Variants in CAMSAP1 observed in about 807,000 individuals in gnomAD.
CAMSAP1 encodes calmodulin-regulated spectrin-associated protein 1.
Under a neutral mutation model 143.5 loss-of-function variants are expected in CAMSAP1, and 58 were observed. The ratio of observed to expected loss-of-function variants is 0.40; its 90% CI spans 0.33 to 0.50. The LOEUF (loss-of-function observed/expected upper bound fraction) is 0.50. CAMSAP1 is among the 20% of genes least tolerant of loss of function. The probability of loss-of-function intolerance (pLI) is 0.45; values close to 1 mark genes in which losing one functional copy is unlikely to be tolerated. For synonymous variants in CAMSAP1, 945 were observed against 859.3 expected, an observed-to-expected ratio of 1.10 and a Z score of -1.74; for missense variants, 1,969 against 2,115.7, an observed-to-expected ratio of 0.93 and a Z score of 1.36.
At chr9:135,812,423 T>TA (rs1835083843) in intron 16 of CAMSAP1, among the ~76,000 whole-genome samples, 1 of 151,920 alleles carries the variant, frequency 6.6e-6, no homozygotes, top group Non-Finnish European at 1.5e-5. Context: ...AAAGGCCATA[T>TA]AATTATGATG....
At chr9:135,863,875 G>A (rs886821928) in intron 4 of CAMSAP1, among the ~76,000 whole-genome samples, 1 of 152,126 alleles carries the variant, frequency 6.6e-6, no homozygotes, top group Admixed American at 6.5e-5. Flanking sequence ...GACACGTGAG[G>A]GGGGAACACA....
Position 135,907,260 on chromosome 9 carries a change from C to G in CAMSAP1, c.-101G>C. On this transcript the variant is annotated 5_prime_UTR_variant, in exon 1 of 17. Coordinates refer to ENST00000389532, the MANE Select transcript of CAMSAP1 (RefSeq NM_015447.4). Reference sequence around the variant, plus strand: ...CGCCCCGAGCCACCACTCGGCCCCGCAGCCGGCCAGCCGGGAGGGGCGCCC... The same window carrying G: ...CGCCCCGAGCCACCACTCGGCCCCGGAGCCGGCCAGCCGGGAGGGGCGCCC... The G allele has an allele frequency of 7.8e-6, 6 of 770,908 alleles. No individual in the cohort carries two copies. The highest frequency in any genetic ancestry group is 9.5e-6 in the Non-Finnish European group (6 of 633,822). The allele number at this position is 770,908 out of a possible 1,614,324, so 47.8% of individuals were successfully genotyped here.
chr9:135,841,574 G>T (rs1038442735), intron 7 of CAMSAP1, among the ~76,000 whole-genome samples: 11 of 152,228 alleles, frequency 7.2e-5, no homozygotes, highest in African/African-American at 2.7e-4. Context: ...CCCAGCAGGG[G>T]TCAACAGACA....
chr9:135,902,520 T>A (rs1838647393), intron 1 of CAMSAP1, among the ~76,000 whole-genome samples: 1 of 152,210 alleles, frequency 6.6e-6, no homozygotes, highest in African/African-American at 2.4e-5. Flanking sequence ...ACAGATTTCA[T>A]TTTAACGAAA....
intron 8 of CAMSAP1, among the ~76,000 whole-genome samples, chr9:135,825,576 A>C (rs1311021035): frequency 6.6e-6 from 1 of 152,224 alleles, no homozygotes; most frequent in African/African-American, 2.4e-5. Context: ...CGGAAGTCAC[A>C]CGTGTGCGGA....
chr9:135,876,728 G>A (rs1161441109), intron 3 of CAMSAP1, among the ~76,000 whole-genome samples: 1 of 152,108 alleles, frequency 6.6e-6, no homozygotes, highest in Non-Finnish European at 1.5e-5. Flanking sequence ...TAAAAATATT[G>A]CTGGGCACAG....
chr9:135,809,325 TAAGGAC>T lies in CAMSAP1; in HGVS notation c.*1978_*1983del, dbSNP rs990902084. 13 of 152,198 alleles carry T rather than the reference TAAGGAC, an allele frequency of 8.5e-5. No individual in the cohort carries two copies. Among genetic ancestry groups the T allele is most frequent in the Admixed American group, 3.9e-4 (6 of 15,272 alleles). 9.4% of individuals were successfully genotyped at this position (152,198 alleles called of 1,614,324 possible). On this transcript the variant is annotated 3_prime_UTR_variant, in exon 17 of 17. Transcript: ENST00000389532. ...CAACGAACAGTGAAAACTACACGCT[TAAGGAC>T]AAGTTTCAGGATGTTCCACACACTG...
At chr9:135,847,035 T>C (rs978752319) in intron 7 of CAMSAP1, among the ~76,000 whole-genome samples, 5 of 152,138 alleles carry the variant, frequency 3.3e-5, no homozygotes, top group African/African-American at 1.2e-4. Context: ...ACTGGGTATA[T>C]ACCCAAAGGA....
At chr9:135,877,135 T>C (rs1254982385) in intron 3 of CAMSAP1, among the ~76,000 whole-genome samples, 1 of 152,126 alleles carries the variant, frequency 6.6e-6, no homozygotes, top group African/African-American at 2.4e-5. Flanking sequence ...CCATGGTATA[T>C]GCACACGATG....
chr9:135,839,436 G>C (rs1836259273), intron 7 of CAMSAP1, among the ~76,000 whole-genome samples: 1 of 152,178 alleles, frequency 6.6e-6, no homozygotes, highest in Admixed American at 6.5e-5. Flanking sequence ...GTATGCACTG[G>C]GAAAGGGAGG....
At chr9:135,880,609 C>A (rs1377947564) in intron 3 of CAMSAP1, among the ~76,000 whole-genome samples, 1 of 152,198 alleles carries the variant, frequency 6.6e-6, no homozygotes, top group African/African-American at 2.4e-5. Context: ...CCGCCTTTCA[C>A]AGCGACGGAG....
chr9:135,836,476 C>T, intron 7 of CAMSAP1: 10 of 983,618 alleles, frequency 1.0e-5, no homozygotes, highest in Non-Finnish European at 1.2e-5. Context: ...CACACACTTT[C>T]TACCCTGTTC....
Position 135,822,771 on chromosome 9 carries a change from C to T in CAMSAP1, c.1890G>A (p.Glu630=). 6.2e-7 allele frequency: 1 copy of T among 1,613,862 alleles called. No individual in the cohort carries two copies. Among genetic ancestry groups the T allele is most frequent in the Non-Finnish European group, 8.5e-7 (1 of 1,179,830 alleles). Residue 630 remains glutamate (E), a synonymous_variant, in exon 11 of 17, where the codon GAG becomes GAA. Transcript: ENST00000389532. This position sits in a 1 kb window ranked among gnomAD's most constrained non-coding sequence, Gnocchi z 6.1. ...TCCTTCGTACCAAAGGCTGGGGGCC[C>T]TCGCTGGGCCTCCTAGACACGATGC... ...PRSIVSRRPS[E]GPQPLVRRKM...
In CAMSAP1 at chr9:135,882,998, G is replaced by T. The variant is rs1233906288; in HGVS notation, c.241C>A (p.Leu81Ile). 6.4e-7 allele frequency: 1 copy of T among 1,551,656 alleles called. No individual in the cohort carries two copies. The highest frequency in any genetic ancestry group is 1.4e-5 in the African/African-American group (1 of 73,054). ...CAGTACAGCTCGCTGGACAGGAGAA[G>T]CTTGATAACAGGCGGCTTAATGTGC... is the stretch of plus-strand genomic sequence containing the variant. Reference protein sequence around the residue: ...QEHIKPPVIKLLLSSELYCRV... With the variant: ...QEHIKPPVIKILLSSELYCRV... The change falls in exon 2 of 17, where the codon CTT becomes ATT. Residue 81 changes from leucine (L) to isoleucine (I), a missense_variant. Leu to Ile is a conservative substitution (Grantham distance 5). Around this residue, in one of 4 missense-constraint regions of CAMSAP1, gnomAD observed 215 missense variants for 196.2 expected, o/e 1.10. Coordinates refer to ENST00000389532, the MANE Select transcript of CAMSAP1 (RefSeq NM_015447.4). The surrounding 1 kb of genome is among the most constrained non-coding windows in gnomAD (Gnocchi z 4.9).
chr9:135,855,784 G>A (rs1397256703), intron 5 of CAMSAP1, among the ~76,000 whole-genome samples: 1 of 151,162 alleles, frequency 6.6e-6, no homozygotes, highest in Non-Finnish European at 1.5e-5. Flanking sequence ...CGGGTGCGGT[G>A]GCTCACGCCT....
rs1380874172 is a variant in CAMSAP1, at chr9:135,907,393, A to T, written c.-234T>A. 6.9e-6 allele frequency among the ~76,000 whole-genome samples: 1 copy of T among 144,742 alleles called. No homozygotes were observed. The highest frequency in any genetic ancestry group is 2.5e-5 in the African/African-American group (1 of 40,378). 95.0% of individuals were successfully genotyped at this position (144,742 alleles called of 152,430 possible). Reference sequence around the variant, plus strand: ...GGAGGAGGTGCCGAGCCCGCGGCCCAAAGAGGCGGCGGCAGGAGGGCGCGG... The same window carrying T: ...GGAGGAGGTGCCGAGCCCGCGGCCCTAAGAGGCGGCGGCAGGAGGGCGCGG... On this transcript the variant is annotated 5_prime_UTR_variant, in exon 1 of 17. Transcript: ENST00000389532.
intron 7 of CAMSAP1, among the ~76,000 whole-genome samples, chr9:135,841,076 C>A (rs1188082254): frequency 6.6e-6 from 1 of 152,164 alleles, no homozygotes; most frequent in Non-Finnish European, 1.5e-5. Context: ...CCCCACAGAG[C>A]CCAGGAAGCT....
At chr9:135,903,262 G>T (rs1411376402) in intron 1 of CAMSAP1, among the ~76,000 whole-genome samples, 1 of 152,242 alleles carries the variant, frequency 6.6e-6, no homozygotes, top group Admixed American at 6.5e-5. Context: ...AAAATGTGAT[G>T]ACTAGTCAGG....
intron 7 of CAMSAP1, among the ~76,000 whole-genome samples, chr9:135,845,500 T>C (rs944108059): frequency 1.3e-5 from 2 of 152,174 alleles, no homozygotes; most frequent in African/African-American, 4.8e-5. Context: ...CAACACAGTA[T>C]TGGAAGTTCT....
Sources: gnomAD v4.1 joint callset for allele counts (sites outside exome capture counted in the v4.1 genomes callset) on GRCh38, gnomAD v4.1.1 for gene constraint, gnomAD v4.1.1 regional missense constraint, Gnocchi (gnomAD v3.1) non-coding constraint, MANE v1.5 for transcripts, NCBI Gene and HGNC (gene_info 2026-07-23, HGNC 2026-07-21) for gene names.